The following COQ5 variants were observed in gnomAD, a reference collection of about 807,000 sequenced individuals.
COQ5 encodes the protein coenzyme Q5, methyltransferase.
A neutral mutation model predicts 40.5 loss-of-function variants in COQ5; 27 were observed. That is an observed-to-expected ratio of 0.67 (90% confidence interval 0.49 to 0.92). COQ5 has a LOEUF of 0.92. COQ5 is among the 40% of genes least tolerant of loss of function. The pLI is 0.00. For missense variants in COQ5, 409 were observed against 406.4 expected, an observed-to-expected ratio of 1.01 and a Z score of -0.06; for synonymous variants, 141 against 150.0, an observed-to-expected ratio of 0.94 and a Z score of 0.44.
rs558867692 is a variant in COQ5, at chr12:120,522,402, G to T, written c.203-39C>A. The T allele has an allele frequency of 1.9e-6, 3 of 1,602,636 alleles. No individual in the cohort carries two copies. The South Asian group carries it at 3.3e-5, about 18-fold the overall frequency. ...AACACACACAATAGTGCTATTAACA[G>T]AATTCCCTTAGAAAAATCCTAAACA... On this transcript the variant is annotated intron_variant, in intron 1 of 6. Coordinates refer to ENST00000288532, the MANE Select transcript of COQ5 (RefSeq NM_032314.4).
At position 120,516,760 on chromosome 12, in the gene COQ5, A is replaced by G; in HGVS notation, c.381T>C (p.Tyr127=). The G allele has an allele frequency of 2.5e-6, 4 of 1,614,214 alleles. No homozygotes were observed. The highest frequency in any genetic ancestry group is 3.4e-6 in the Non-Finnish European group (4 of 1,180,036). Reference sequence around the variant, plus strand: ...GTTTTCTCTGATGCTGGGACTGAACATAATTAAGGAACCGGAATGCAATGT... The same window carrying G: ...GTTTTCTCTGATGCTGGGACTGAACGTAATTAAGGAACCGGAATGCAATGT... ...TGDIAFRFLN[Y]VQSQHQRKQK... The change falls in exon 3 of 7, where the codon TAT becomes TAC. Residue 127 remains tyrosine (Y), a synonymous_variant. Transcript: ENST00000288532.
Position 120,504,061 on chromosome 12 carries a change from A to G in COQ5, c.791T>C (p.Phe264Ser). 1 of 1,606,730 alleles carries G rather than the reference A, an allele frequency of 6.2e-7. No individual in the cohort carries two copies. The highest frequency in any genetic ancestry group is 2.2e-5 in the East Asian group (1 of 44,850). ...LISRLYDLYSFQVIPVLGEVI... is the reference protein window; with the variant it reads ...LISRLYDLYSSQVIPVLGEVI... ...CTCTCCCAGGACAGGGATGACCTGG[A>G]AGCTATATAGATCATAAAGCCTAGG... is the stretch of plus-strand genomic sequence containing the variant. Residue 264 changes from phenylalanine (F) to serine (S), a missense_variant, in exon 6 of 7, where the codon TTC becomes TCC. By Grantham distance (155) the Phe-to-Ser change is radical. Transcript: ENST00000288532.
intron 2 of COQ5, among the ~76,000 whole-genome samples, chr12:120,519,272 T>C (rs960613897): frequency 6.6e-6 from 1 of 152,086 alleles, no homozygotes; most frequent in Non-Finnish European, 1.5e-5. Context: ...GAATTGAAAA[T>C]GTGAGGCCAG....
At chr12:120,518,386 G>A (rs1338892639) in intron 2 of COQ5, among the ~76,000 whole-genome samples, 2 of 133,472 alleles carry the variant, frequency 1.5e-5, no homozygotes, top group South Asian at 2.4e-4. Flanking sequence ...CCGAGATGAC[G>A]CCACTACACT....
Position 120,522,127 on chromosome 12 carries a change from G to A in COQ5, c.352+87C>T, listed in dbSNP as rs1042372243. The A allele has an allele frequency of 5.0e-5, 69 of 1,385,280 alleles. 1 individual carries two copies. Among genetic ancestry groups the A allele is most frequent in the East Asian group, 1.6e-4 (7 of 43,612 alleles). 85.8% of individuals were successfully genotyped at this position (1,385,280 alleles called of 1,614,324 possible). ...ATTTTCAATCACCATCTTCCGCCTC[G>A]TGTTAGGTGAGCTAGCTCATTACAA... On this transcript the variant is annotated intron_variant, in intron 2 of 6. Transcript: ENST00000288532.
At chr12:120,524,334 C>T (rs1343470623) in intron 1 of COQ5, among the ~76,000 whole-genome samples, 1 of 151,886 alleles carries the variant, frequency 6.6e-6, no homozygotes, top group Non-Finnish European at 1.5e-5. Context: ...GATCTCGGCT[C>T]ACTGCAAGCT....
At chr12:120,528,586 G>T (rs1021472524) in intron 1 of COQ5, among the ~76,000 whole-genome samples, 3 of 152,096 alleles carry the variant, frequency 2.0e-5, no homozygotes, top group Non-Finnish European at 2.9e-5. Context: ...CGAGGCAGGC[G>T]AATCACCTGA....
intron 4 of COQ5, among the ~76,000 whole-genome samples, chr12:120,509,628 T>C (rs1308022142): frequency 1.3e-5 from 2 of 152,196 alleles, no homozygotes; most frequent in Admixed American, 6.6e-5. Context: ...GGAGATCAGC[T>C]CTGTGGTTTC....
At chr12:120,512,205 G>A (rs1272515177) in intron 3 of COQ5, among the ~76,000 whole-genome samples, 2 of 151,900 alleles carry the variant, frequency 1.3e-5, no homozygotes, top group African/African-American at 2.4e-5. Context: ...ACGAGACTCC[G>A]TCTCAAAAAT....
In COQ5 at chr12:120,529,052, A is replaced by T; in HGVS notation, c.90T>A (p.Arg30=). ...AMRGCQLLGL[R]SSWPGDLLSA... is the part of the protein sequence containing the mutation. ...TTAGTAGGTCCCCGGGCCAAGAGCT[A>T]CGAAGCCCGAGGAGCTGGCAGCCCC... Residue 30 remains arginine (R), a synonymous_variant, in exon 1 of 7, where the codon CGT becomes CGA. Transcript: ENST00000288532. 1 of 1,614,094 alleles carries T rather than the reference A, an allele frequency of 6.2e-7. No homozygotes were observed. The highest frequency in any genetic ancestry group is 1.1e-5 in the South Asian group (1 of 91,078).
Position 120,504,902 on chromosome 12 carries a change from T to C in COQ5, c.763A>G (p.Ile255Val). Residue 255 changes from isoleucine (I) to valine (V), a missense_variant, in exon 5 of 7, where the codon ATA becomes GTA. Physicochemically the swap from Ile to Val is conservative, Grantham distance 29. Transcript: ENST00000288532. ...LEFSQVNNPL[I>V]SRLYDLYSFQ... is the part of the protein sequence containing the mutation. ...CCTATTAACAATGCCAACCTGGATA[T>C]GAGGGGATTGTTCACTTGGCTAAAT... is the stretch of plus-strand genomic sequence containing the variant. 3.1e-6 allele frequency: 5 copies of C among 1,613,916 alleles called. No individual in the cohort carries two copies. Among genetic ancestry groups the C allele is most frequent in the Non-Finnish European group, 4.2e-6 (5 of 1,179,850 alleles).
intron 1 of COQ5, among the ~76,000 whole-genome samples, chr12:120,528,457 G>C (rs890053969): frequency 6.6e-6 from 1 of 152,092 alleles, no homozygotes; most frequent in Non-Finnish European, 1.5e-5. Context: ...TCTGTACGTT[G>C]CCTGGCACAT....
intron 3 of COQ5, among the ~76,000 whole-genome samples, chr12:120,513,455 T>C (rs1869233486): frequency 6.6e-6 from 1 of 150,498 alleles, no homozygotes; most frequent in Admixed American, 6.6e-5. Flanking sequence ...TGAGCCGAGA[T>C]TGCGCCACTG....
At chr12:120,510,151 CAG>C in intron 3 of COQ5, 28 bp from the exon 4 acceptor site, 1 of 1,543,618 alleles carries the variant, frequency 6.5e-7, no homozygotes, top group South Asian at 1.1e-5. Flanking sequence ...TTCCGGGTCT[CAG>C]TGTGGGTAGC....
chr12:120,508,703 T>C (rs1032713309), intron 4 of COQ5, among the ~76,000 whole-genome samples: 2 of 152,124 alleles, frequency 1.3e-5, no homozygotes, highest in African/African-American at 4.8e-5. Context: ...CATATAACCT[T>C]TTGTGCCTTT....
At chr12:120,525,939 T>A (rs11065152) in intron 1 of COQ5, among the ~76,000 whole-genome samples, 34 of 13,780 alleles carry the variant, frequency 2.5e-3, no homozygotes, top group Middle Eastern at 0.12. Flanking sequence ...AAAATAAATA[T>A]AAATAAATAA....
chr12:120,507,553 G>A (rs1348745323), intron 4 of COQ5, among the ~76,000 whole-genome samples: 1 of 150,198 alleles, frequency 6.7e-6, no homozygotes, highest in African/African-American at 2.4e-5. Flanking sequence ...CAAAGTGCTG[G>A]GATTACAGGT....
At chr12:120,521,428 AG>A (rs1423631458) in intron 2 of COQ5, among the ~76,000 whole-genome samples, 1 of 151,870 alleles carries the variant, frequency 6.6e-6, no homozygotes, top group African/African-American at 2.4e-5. Flanking sequence ...CTGTAATCCC[AG>A]CACCTTGGGA....
intron 1 of COQ5, chr12:120,527,516 A>G (rs1419878292): frequency 6.6e-6 from 1 of 152,194 alleles, no homozygotes; most frequent in Non-Finnish European, 1.5e-5. Flanking sequence ...GTCATTGTGT[A>G]TGACTTCAGC....
Sources: allele counts gnomAD v4.1 joint callset (sites outside exome capture counted in the v4.1 genomes callset), GRCh38; gene constraint gnomAD v4.1.1; transcripts MANE v1.5; gene names NCBI Gene and HGNC (gene_info 2026-07-23, HGNC 2026-07-21).